Variants in ZNF222 observed in about 807,000 individuals in gnomAD.
ZNF222 encodes the protein zinc finger protein 222.
Under a neutral mutation model 11.6 loss-of-function variants are expected in ZNF222, and 8 were observed. The ratio of observed to expected loss-of-function variants is 0.69; its 90% CI spans 0.41 to 1.25. The LOEUF is 1.25. Ranked by LOEUF, ZNF222 falls within the 50% of genes most tolerant of loss-of-function variation. The pLI is 0.01. For synonymous variants in ZNF222, 171 were observed against 195.6 expected, an observed-to-expected ratio of 0.87 and a Z score of 1.05; for missense variants, 483 against 576.1, an observed-to-expected ratio of 0.84 and a Z score of 1.65.
Position 44,032,129 on chromosome 19 carries a change from A to T in ZNF222, c.575A>T (p.Lys192Ile), listed in dbSNP as rs1178707244. ...TCTCATACCTGTGATGAGTGTGGAAAAAGCTTCTGTTACATCTCAGCCCTT... is the reference window on the plus strand; with the variant it reads ...TCTCATACCTGTGATGAGTGTGGAATAAGCTTCTGTTACATCTCAGCCCTT... Reference protein sequence around the residue: ...EKSHTCDECGKSFCYISALHI... With the variant: ...EKSHTCDECGISFCYISALHI... Residue 192 changes from lysine (K) to isoleucine (I), a missense_variant, in exon 4 of 4, where the codon AAA (lysine) becomes ATA (isoleucine). Physicochemically the swap from Lys to Ile is moderately radical, Grantham distance 102 (BLOSUM62 -3). Transcript: ENST00000391960. 6.2e-7 allele frequency: 1 copy of T among 1,614,130 alleles called. No individual in the cohort carries two copies. Among genetic ancestry groups the T allele is most frequent in the African/African-American group, 1.3e-5 (1 of 74,936 alleles).
intron 2 of ZNF222, 88 bp downstream of exon 2, chr19:44,027,237 G>A: frequency 6.3e-7 from 1 of 1,592,618 alleles, no homozygotes; most frequent in Non-Finnish European, 8.6e-7. Flanking sequence ...TGTGCAGTGA[G>A]AACCTACATT....
chr19:44,029,182 T>G (rs1328333940), intron 3 of ZNF222, among the ~76,000 whole-genome samples: 2 of 99,746 alleles, frequency 2.0e-5, no homozygotes, highest in East Asian at 6.6e-4. Flanking sequence ...TGTTGGTTTG[T>G]TTTGTTTTGT....
rs540736672 is a variant in ZNF222 at position 44,026,542 on chromosome 19, C to CTA, written c.43-467_43-466dup. On this transcript the variant is annotated intron_variant, in intron 1 of 3. Coordinates refer to ENST00000391960, the MANE Select transcript of ZNF222 (RefSeq NM_001129996.2). The stretch of plus-strand genomic sequence containing the variant: ...TACTATTTTCTTTCTCTCTCTCTCT[C>CTA]TATATATATATATATTTTTTTTTTT... 7.0e-4 allele frequency among the ~76,000 whole-genome samples: 81 copies of CTA among 114,910 alleles called. 1 individual carries two copies. The highest frequency in any genetic ancestry group is 8.5e-3 in the Middle Eastern group (2 of 234). The allele number at this position is 114,910 out of a possible 152,430, so 75.4% of individuals were successfully genotyped here.
At chr19:44,030,199 C>G (rs1321875920) in intron 3 of ZNF222, among the ~76,000 whole-genome samples, 1 of 152,204 alleles carries the variant, frequency 6.6e-6, no homozygotes, top group African/African-American at 2.4e-5. Flanking sequence ...AGATTCCCCT[C>G]AGAACTACAG....
rs1976341381 is a variant in ZNF222 at position 44,025,611 on chromosome 19, C to A, written c.42+133C>A. 1.2e-6 allele frequency: 1 copy of A among 857,670 alleles called. No individual in the cohort carries two copies. The highest frequency in any genetic ancestry group is 1.8e-6 in the Non-Finnish European group (1 of 568,246). 53.1% of individuals were successfully genotyped at this position (857,670 alleles called of 1,614,324 possible). On this transcript the variant is annotated intron_variant, in intron 1 of 3. Transcript: ENST00000391960. This position sits in a 1 kb window ranked among gnomAD's most constrained non-coding sequence, Gnocchi z 4.6. Reference sequence around the variant, plus strand: ...CCTACTTTGACCTCGCTTAGTCCGCCTCCCTCCTCCCTACGTGTGCAGCCC... The same window carrying A: ...CCTACTTTGACCTCGCTTAGTCCGCATCCCTCCTCCCTACGTGTGCAGCCC...
chr19:44,027,606 C>T (rs1242086633), intron 3 of ZNF222, 116 bp downstream of exon 3: 5 of 983,292 alleles, frequency 5.1e-6, no homozygotes, highest in African/African-American at 4.9e-5. Context: ...TTACAGCCTT[C>T]TCCCTGCTGA....
chr19:44,026,359 A>G (rs1478125756), intron 1 of ZNF222, among the ~76,000 whole-genome samples: 1 of 152,076 alleles, frequency 6.6e-6, no homozygotes, highest in Non-Finnish European at 1.5e-5. Flanking sequence ...CATCTCTTGA[A>G]TGCAATTCTC....
rs761743657 is a variant in ZNF222 at position 44,031,936 on chromosome 19, A to G, written c.382A>G (p.Ile128Val). The G allele has an allele frequency of 4.3e-6, 7 of 1,614,228 alleles. No homozygotes were observed. In the South Asian group the frequency reaches 7.7e-5, roughly 18 times the overall value. Residue 128 changes from isoleucine (I) to valine (V), a missense_variant, in exon 4 of 4, where the codon ATA becomes GTA. By Grantham distance (29) the Ile-to-Val change is conservative (BLOSUM62 3). Coordinates refer to ENST00000391960, the MANE Select transcript of ZNF222 (RefSeq NM_001129996.2). ...CTTAACCAGGTCTCAAGATACCACC[A>G]TAAGTAACTCTCAGTTATTTGAACA... ...SDLTRSQDTT[I>V]SNSQLFEQDD...
intron 3 of ZNF222, among the ~76,000 whole-genome samples, chr19:44,029,181 G>GT (rs142571594): frequency 3.5e-4 from 40 of 113,700 alleles, no homozygotes; most frequent in African/African-American, 1.3e-3. Context: ...TTGTTGGTTT[G>GT]TTTTGTTTTG....
intron 3 of ZNF222, among the ~76,000 whole-genome samples, chr19:44,029,018 A>G (rs1650449618): frequency 6.6e-6 from 1 of 152,138 alleles, no homozygotes; most frequent in Non-Finnish European, 1.5e-5. Flanking sequence ...ATTCACATGG[A>G]TTCAATGTAT....
chr19:44,029,196 T>TG (rs1185350667), intron 3 of ZNF222, among the ~76,000 whole-genome samples: 9 of 111,334 alleles, frequency 8.1e-5, no homozygotes, highest in African/African-American at 3.0e-4. Flanking sequence ...GTTTTGTTTT[T>TG]TTTTTTTTTT....
rs1976530945 is a variant in ZNF222 at position 44,032,589 on chromosome 19, G to A, written c.1035G>A (p.Met345Ile). 1.2e-6 allele frequency: 2 copies of A among 1,614,178 alleles called. No individual in the cohort carries two copies. The highest frequency in any genetic ancestry group is 3.3e-5 in the Admixed American group (2 of 60,024). ...GGCTAGATTTGCATAAGCATCAGAT[G>A]ATTCATATGGGACAGAAACCATATA... ...IDRLDLHKHQ[M>I]IHMGQKPYNC... The change falls in exon 4 of 4, where the codon ATG becomes ATA. Residue 345 changes from methionine (M) to isoleucine (I), a missense_variant. Physicochemically the swap from Met to Ile is conservative, Grantham distance 10. Coordinates refer to ENST00000391960, the MANE Select transcript of ZNF222 (RefSeq NM_001129996.2).
chr19:44,028,231 T>A, intron 3 of ZNF222: 1 of 398,934 alleles, frequency 2.5e-6, no homozygotes, highest in Non-Finnish European at 4.4e-6. Context: ...TATTCATCAC[T>A]CCTGGATGAT....
chr19:44,026,199 CT>C, intron 1 of ZNF222: 1 of 1,094,520 alleles, frequency 9.1e-7, no homozygotes, highest in Non-Finnish European at 1.4e-6. Flanking sequence ...TAATTGGTAA[CT>C]TTATTCCAAG....
chr19:44,025,955 G>T lies in ZNF222; in HGVS notation c.42+477G>T. ...CCTTCTGACCTCTTTTTAGGAAAGTGAGGGGAGCATTTAACTTTTATGGGG... is the reference window on the plus strand; with the variant it reads ...CCTTCTGACCTCTTTTTAGGAAAGTTAGGGGAGCATTTAACTTTTATGGGG... On this transcript the variant is annotated intron_variant, in intron 1 of 3. Transcript: ENST00000391960. The surrounding 1 kb of genome is among the most constrained non-coding windows in gnomAD (Gnocchi z 4.6). 8.8e-6 allele frequency: 13 copies of T among 1,481,464 alleles called. No homozygotes were observed. In the South Asian group the frequency reaches 1.5e-4, roughly 17 times the overall value. The allele number at this position is 1,481,464 out of a possible 1,614,324, so 91.8% of individuals were successfully genotyped here.
intron 3 of ZNF222, chr19:44,028,320 G>A: frequency 2.5e-6 from 1 of 398,512 alleles, no homozygotes. Context: ...CCTTGCTGTG[G>A]AACATAACGT....
At chr19:44,031,292 A>C (rs573225662) in intron 3 of ZNF222, among the ~76,000 whole-genome samples, 2 of 152,338 alleles carry the variant, frequency 1.3e-5, no homozygotes, top group African/African-American at 4.8e-5. Flanking sequence ...TACATATGAG[A>C]CATGGTGTGG....
intron 3 of ZNF222, among the ~76,000 whole-genome samples, chr19:44,029,186 G>GTTTTTTTTTTT (rs1364529196): frequency 1.2e-4 from 12 of 97,834 alleles, no homozygotes; most frequent in African/African-American, 4.3e-4. Context: ...GGTTTGTTTT[G>GTTTTTTTTTTT]TTTTGTTTTT....
rs759300494 is a variant in ZNF222 at position 44,032,903 on chromosome 19, C to T, written c.1349C>T (p.Ser450Leu). The T allele has an allele frequency of 1.4e-5, 23 of 1,613,680 alleles. No homozygotes were observed. Among genetic ancestry groups the T allele is most frequent in the African/African-American group, 2.7e-5 (2 of 74,858 alleles). ...EDCGKRLVCRSYCKDQQRDHS... is the reference protein window; with the variant it reads ...EDCGKRLVCRLYCKDQQRDHS... ...TGTGGAAAGAGGCTTGTATGCCGGTCATACTGTAAAGACCAACAAAGAGAC... is the reference window on the plus strand; with the variant it reads ...TGTGGAAAGAGGCTTGTATGCCGGTTATACTGTAAAGACCAACAAAGAGAC... The change falls in exon 4 of 4, where the codon TCA becomes TTA. Residue 450 changes from serine (S) to leucine (L), a missense_variant. By Grantham distance (145) the Ser-to-Leu change is moderately radical. Coordinates refer to ENST00000391960, the MANE Select transcript of ZNF222 (RefSeq NM_001129996.2).
Sources: allele counts gnomAD v4.1 joint callset (sites outside exome capture counted in the v4.1 genomes callset), GRCh38; gene constraint gnomAD v4.1.1; non-coding constraint Gnocchi (gnomAD v3.1); transcripts MANE v1.5; gene names NCBI Gene and HGNC (gene_info 2026-07-23, HGNC 2026-07-21).